The following ITPKC variants were observed in gnomAD, a reference collection of about 807,000 sequenced individuals.
ITPKC encodes IP3 3-kinase C.
In ITPKC, 33 loss-of-function variants were observed where a neutral mutation model predicts 67.1. The observed-to-expected ratio is 0.49, with a 90% confidence interval of 0.37 to 0.66. ITPKC has a LOEUF of 0.66. Ranked by LOEUF, ITPKC falls within the 30% of genes least tolerant of loss-of-function variation. The pLI is 0.00. For missense variants in ITPKC, 820 were observed against 892.1 expected (o/e 0.92, Z 1.03); for synonymous variants, 341 against 359.8 (o/e 0.95, Z 0.59).
chr19:40,726,236 C>T (rs1182871259), intron 2 of ITPKC, among the ~76,000 whole-genome samples: 1 of 115,724 alleles, frequency 8.6e-6, no homozygotes, highest in East Asian at 2.8e-4. Flanking sequence ...AGCGAAACTT[C>T]GTCTCAAAAA....
At position 40,724,843 on chromosome 19, in the gene ITPKC, G is replaced by C. The variant is rs114425158; in HGVS notation, c.1156-497G>C. 3.2e-3 allele frequency among the ~76,000 whole-genome samples: 488 copies of C among 152,086 alleles called. 2 individuals are homozygous for C. The highest frequency in any genetic ancestry group is 0.011 in the African/African-American group (470 of 41,482). On this transcript the variant is annotated intron_variant, in intron 1 of 6. Transcript: ENST00000263370. Reference sequence around the variant, plus strand: ...ATGCACCTGTAGTCCCAGCTACTCGGAGGGTGAGGCAGGAGGATCACTTGA... The same window carrying C: ...ATGCACCTGTAGTCCCAGCTACTCGCAGGGTGAGGCAGGAGGATCACTTGA...
In ITPKC at chr19:40,718,265, C is replaced by A; in HGVS notation, c.1130C>A (p.Ala377Asp). The A allele has an allele frequency of 6.6e-7, 1 of 1,518,944 alleles. No individual in the cohort carries two copies. The highest frequency in any genetic ancestry group is 8.8e-7 in the Non-Finnish European group (1 of 1,139,114). 94.1% of individuals were successfully genotyped at this position (1,518,944 alleles called of 1,614,324 possible). A position where few individuals can be genotyped will look rare whatever the true frequency, so the allele number is the denominator to read the frequency against. The change falls in exon 1 of 7, where the codon GCC becomes GAC. Residue 377 changes from alanine (A) to aspartate (D), a missense_variant. Ala to Asp is a moderately radical substitution (Grantham distance 126). Coordinates refer to ENST00000263370, the MANE Select transcript of ITPKC (RefSeq NM_025194.3). ...EDDVVAGGGG[A>D]SDPEDRSGSK... ...GACGTGGTGGCCGGGGGCGGAGGTG[C>A]CAGCGATCCCGAGGACAGGTCTGGG...
rs1013759147 is a variant in ITPKC, at chr19:40,717,144, C to G, written c.9C>G (p.Arg3=). The change falls in exon 1 of 7, where the codon CGC becomes CGG. Residue 3 remains arginine, a synonymous_variant. Transcript: ENST00000263370. The part of the protein sequence containing the change: MR[R]CPCRGSLNEA... ...GAACCGAAGGAGCGGGCATGAGGCG[C>G]TGCCCGTGCCGTGGGAGCCTGAACG... is the stretch of plus-strand genomic sequence containing the variant. The G allele has an allele frequency of 5.7e-5, 70 of 1,227,016 alleles. 1 individual carries two copies. The African/African-American group carries it at 1.1e-3, about 19-fold the overall frequency. The allele number at this position is 1,227,016 out of a possible 1,614,324, so 76.0% of individuals were successfully genotyped here.
At chr19:40,734,508 A>C (rs1437398732) in intron 4 of ITPKC, among the ~76,000 whole-genome samples, 2 of 152,144 alleles carry the variant, frequency 1.3e-5, no homozygotes, top group Non-Finnish European at 2.9e-5. Context: ...CGACCATGCC[A>C]TTCTCCTGTT....
intron 4 of ITPKC, among the ~76,000 whole-genome samples, chr19:40,736,785 A>G (rs1293598539): frequency 1.3e-5 from 2 of 151,248 alleles, no homozygotes; most frequent in African/African-American, 4.9e-5. Context: ...GATTATAGGC[A>G]TGATCCCACA....
intron 1 of ITPKC, among the ~76,000 whole-genome samples, chr19:40,720,874 C>T (rs1245340905): frequency 2.0e-5 from 3 of 152,100 alleles, no homozygotes; most frequent in Non-Finnish European, 4.4e-5. Context: ...GGCTCAGCTT[C>T]CTTTCTCCCT....
At chr19:40,720,322 GCA>G in intron 1 of ITPKC, among the ~76,000 whole-genome samples, 1 of 150,950 alleles carries the variant, frequency 6.6e-6, no homozygotes, top group Admixed American at 6.6e-5. Context: ...AGCCGAGATT[GCA>G]CCACTGCACT....
chr19:40,727,910 C>T (rs76209839), intron 2 of ITPKC, among the ~76,000 whole-genome samples: 2,963 of 152,202 alleles, frequency 0.019, 37 homozygotes, highest in Non-Finnish European at 0.028. Flanking sequence ...GAACTCCTGG[C>T]CTTAAAGGAT....
In ITPKC at chr19:40,717,434, C is replaced by G. The variant is rs199789043; in HGVS notation, c.299C>G (p.Ala100Gly). 4.9e-5 allele frequency: 79 copies of G among 1,613,922 alleles called. No homozygotes were observed. Among genetic ancestry groups the G allele is most frequent in the Non-Finnish European group, 6.7e-5 (79 of 1,180,006 alleles). Residue 100 changes from alanine to glycine, a missense_variant, in exon 1 of 7, where the codon GCT becomes GGT. Ala to Gly is a moderately conservative substitution (Grantham distance 60, BLOSUM62 0). This residue lies in a region of ITPKC where 481 missense variants were observed against 470.1 expected (regional missense o/e 1.02). Coordinates refer to ENST00000263370, the MANE Select transcript of ITPKC (RefSeq NM_025194.3). ...WTDGQTEPAA[A>G]GLGVETERPK... ...GACGGACAGACTGAGCCCGCGGCAG[C>G]TGGCCTTGGAGTAGAGACCGAGAGG...
At chr19:40,736,812 C>T (rs2082296337) in intron 4 of ITPKC, among the ~76,000 whole-genome samples, 174 bp from the exon 5 acceptor site, 1 of 145,392 alleles carries the variant, frequency 6.9e-6, no homozygotes, top group Admixed American at 7.2e-5. Flanking sequence ...ACCACAGGTG[C>T]ATACTACCAC....
Position 40,737,686 on chromosome 19 carries a change from CCT to C in ITPKC, c.1777-11_1777-10del, listed in dbSNP as rs1175659036. On this transcript the variant is annotated splice_polypyrimidine_tract_variant and intron_variant, in intron 5 of 6. Coordinates refer to ENST00000263370, the MANE Select transcript of ITPKC (RefSeq NM_025194.3). ...TCCCCATGCTAACCAAAGAACGCTC[CCT>C]GTCACACAGCAAAAGTACGTGGCAT... 1 of 1,613,736 alleles carries C rather than the reference CCT, an allele frequency of 6.2e-7. No individual in the cohort carries two copies. Among genetic ancestry groups the C allele is most frequent in the South Asian group, 1.1e-5 (1 of 91,070 alleles).
At chr19:40,736,215 A>AG (rs901828724) in intron 4 of ITPKC, among the ~76,000 whole-genome samples, 2 of 151,868 alleles carry the variant, frequency 1.3e-5, no homozygotes, top group African/African-American at 2.4e-5. Context: ...GCATGAACCC[A>AG]GGGGGCGGAG....
At chr19:40,731,151 C>T (rs549222045) in intron 3 of ITPKC, among the ~76,000 whole-genome samples, 1 of 152,306 alleles carries the variant, frequency 6.6e-6, no homozygotes, top group East Asian at 1.9e-4. Flanking sequence ...GGGTCCCCAA[C>T]CCCTGGGCCG....
At chr19:40,734,537 C>A (rs1428914179) in intron 4 of ITPKC, among the ~76,000 whole-genome samples, 1 of 152,072 alleles carries the variant, frequency 6.6e-6, no homozygotes, top group Non-Finnish European at 1.5e-5. Context: ...TTCTGTGGCT[C>A]CCTAGTACCT....
intron 6 of ITPKC, among the ~76,000 whole-genome samples, chr19:40,738,712 A>G (rs1440306045): frequency 1.3e-5 from 2 of 152,212 alleles, no homozygotes; most frequent in Non-Finnish European, 2.9e-5. Context: ...TGTACCAAGC[A>G]CTGTCTTAAG....
intron 5 of ITPKC, among the ~76,000 whole-genome samples, chr19:40,737,420 G>T (rs754534947): frequency 6.6e-6 from 1 of 152,240 alleles, no homozygotes; most frequent in South Asian, 2.1e-4. Flanking sequence ...CATTTCTGCC[G>T]TTCGGCAAGT....
In ITPKC at chr19:40,729,306, C is replaced by T; in HGVS notation, c.1360C>T (p.Pro454Ser). The stretch of plus-strand genomic sequence containing the variant: ...GAAAGACCCGCTGCGACCTTTCGTG[C>T]CTGCCTACTATGGCATGGTGCTGCA... Reference protein sequence around the residue: ...LMKDPLRPFVPAYYGMVLQDG... With the variant: ...LMKDPLRPFVSAYYGMVLQDG... The change falls in exon 3 of 7, where the codon CCT becomes TCT. Residue 454 changes from proline to serine, a missense_variant. Transcript: ENST00000263370. 6.2e-7 allele frequency: 1 copy of T among 1,614,168 alleles called. No individual in the cohort carries two copies. The highest frequency in any genetic ancestry group is 8.5e-7 in the Non-Finnish European group (1 of 1,180,020).
intron 1 of ITPKC, 105 bp from the exon 2 acceptor site, chr19:40,725,235 C>T (rs568680848): frequency 2.8e-6 from 2 of 709,354 alleles, no homozygotes; most frequent in Non-Finnish European, 5.0e-6. Context: ...AGCCCCTGGC[C>T]CTGGAAAGAC....
Position 40,733,144 on chromosome 19 carries a change from T to C in ITPKC, c.1470-16T>C. 1 of 1,611,916 alleles carries C rather than the reference T, an allele frequency of 6.2e-7. No homozygotes were observed. The highest frequency in any genetic ancestry group is 8.5e-7 in the Non-Finnish European group (1 of 1,178,136). On this transcript the variant is annotated splice_polypyrimidine_tract_variant and intron_variant, in intron 3 of 6. Coordinates refer to ENST00000263370, the MANE Select transcript of ITPKC (RefSeq NM_025194.3). Reference sequence around the variant, plus strand: ...GTTCTACATAATTTCCTTTGTCACATCCTCTGTGTGCTCAGGACCTATCTG... The same window carrying C: ...GTTCTACATAATTTCCTTTGTCACACCCTCTGTGTGCTCAGGACCTATCTG...
Sources: allele counts gnomAD v4.1 joint callset (sites outside exome capture counted in the v4.1 genomes callset), GRCh38; gene constraint gnomAD v4.1.1; regional missense constraint gnomAD v4.1.1; transcripts MANE v1.5; gene names NCBI Gene and HGNC (gene_info 2026-07-23, HGNC 2026-07-21).